The following FXR2 variants were observed in gnomAD, a reference collection of about 807,000 sequenced individuals.
FXR2 encodes FMR1 autosomal homolog 2, also known as RNA-binding protein FXR2.
A neutral mutation model predicts 87.3 loss-of-function variants in FXR2; 9 were observed. The observed-to-expected ratio is 0.10, with a 90% CI of 0.06 to 0.18. The LOEUF (loss-of-function observed/expected upper bound fraction) is 0.18. Among genes scored for constraint, FXR2 ranks in the 10% least tolerant of loss-of-function variants. The pLI is 1.00. For synonymous variants in FXR2, 331 were observed against 328.3 expected, an observed-to-expected ratio of 1.01 and a Z score of -0.09; for missense variants, 661 against 893.6, an observed-to-expected ratio of 0.74 and a Z score of 3.32.
chr17:7,605,826 G>A (rs2270339), intron 2 of FXR2, 88 bp from the exon 3 acceptor site: 63,667 of 790,310 alleles, frequency 0.081, 6,341 homozygotes, highest in African/African-American at 0.3. Context: ...TCAGCTGGGC[G>A]AGTTCCACCT....
At chr17:7,614,354 G>A (rs1040511326) in intron 1 of FXR2, 98 bp downstream of exon 1, 2 of 885,774 alleles carry the variant, frequency 2.3e-6, no homozygotes, top group Admixed American at 2.5e-5. Context: ...CTAAGGGCCA[G>A]GACTCAGCTC....
intron 7 of FXR2, among the ~76,000 whole-genome samples, chr17:7,599,653 G>A (rs1403991793): frequency 6.6e-6 from 1 of 152,030 alleles, no homozygotes; most frequent in Non-Finnish European, 1.5e-5. Flanking sequence ...GAGGTGGGCG[G>A]ATCACCTGAG....
At chr17:7,600,608 G>A (rs1342030511) in intron 7 of FXR2, among the ~76,000 whole-genome samples, 3 of 152,194 alleles carry the variant, frequency 2.0e-5, no homozygotes, top group East Asian at 1.9e-4. Context: ...GACCAAGGCC[G>A]GGCGCAGCGG....
intron 1 of FXR2, chr17:7,614,073 T>C (rs1218509690): frequency 6.2e-6 from 3 of 483,828 alleles, no homozygotes; most frequent in Non-Finnish European, 1.2e-5. Flanking sequence ...CAATTCTCCA[T>C]GTGCTTGGAT....
chr17:7,594,278 C>T lies in FXR2; in HGVS notation c.980G>A (p.Arg327Gln), dbSNP rs749491108. Residue 327 changes from arginine (R) to glutamine (Q), a missense_variant, in exon 10 of 17, where the codon CGA becomes CAA. Around this residue, in one of 3 missense-constraint regions of FXR2, gnomAD observed 82 missense variants for 214.4 expected, o/e 0.38. Transcript: ENST00000250113. The surrounding 1 kb of genome is among the most constrained non-coding windows in gnomAD (Gnocchi z 5.1). Reference protein sequence around the residue: ...IVDKSGVVRVRVEGDNDKKNP... With the variant: ...IVDKSGVVRVQVEGDNDKKNP... ...CTTCTTGTCATTATCACCTTCCACT[C>T]GAACCCTCACCACACCAGATTTATC... is the stretch of plus-strand genomic sequence containing the variant. 13 of 1,612,312 alleles carry T rather than the reference C, an allele frequency of 8.1e-6. 1 individual carries two copies. The highest frequency in any genetic ancestry group is 2.5e-6 in the Non-Finnish European group (3 of 1,178,486).
intron 1 of FXR2, among the ~76,000 whole-genome samples, chr17:7,607,322 A>C (rs944757745): frequency 6.6e-6 from 1 of 151,694 alleles, no homozygotes; most frequent in African/African-American, 2.4e-5. Context: ...CCATCTCAAA[A>C]AAAAAAAAAA....
intron 1 of FXR2, among the ~76,000 whole-genome samples, chr17:7,612,261 G>A (rs1346592200): frequency 6.6e-6 from 1 of 152,174 alleles, no homozygotes; most frequent in Admixed American, 6.6e-5. Context: ...CTCAGAATTT[G>A]GGGGTGGTAA....
chr17:7,606,510 A>G (rs766365560), intron 1 of FXR2, among the ~76,000 whole-genome samples: 2 of 152,182 alleles, frequency 1.3e-5, no homozygotes, highest in African/African-American at 2.4e-5. Context: ...AGAATATCCC[A>G]TGAGACAGTG....
intron 1 of FXR2, among the ~76,000 whole-genome samples, chr17:7,613,787 T>C (rs1004213884): frequency 2.6e-5 from 4 of 152,154 alleles, no homozygotes; most frequent in African/African-American, 9.7e-5. Flanking sequence ...GCAGTGGGTC[T>C]TGAGATCAAG....
At chr17:7,603,250 G>A (rs1335912811) in intron 5 of FXR2, among the ~76,000 whole-genome samples, 3 of 151,936 alleles carry the variant, frequency 2.0e-5, no homozygotes, top group Admixed American at 6.6e-5. Context: ...GGACTGGGCC[G>A]GGTGCGGTGG....
chr17:7,614,674 G>A lies in FXR2; in HGVS notation c.-142C>T, dbSNP rs892993103. 3 of 377,926 alleles carry A rather than the reference G, an allele frequency of 7.9e-6. No individual in the cohort carries two copies. The highest frequency in any genetic ancestry group is 6.4e-5 in the African/African-American group (3 of 46,964). The allele number at this position is 377,926 out of a possible 1,614,324, so 23.4% of individuals were successfully genotyped here. A position where few individuals can be genotyped will look rare whatever the true frequency, so the allele number is the denominator to read the frequency against. The stretch of plus-strand genomic sequence containing the variant: ...GCGGGAGCCGGGCCGGCCCCACGGC[G>A]GCCCTGCCACAGCCAACGAGCAGGG... On this transcript the variant is annotated 5_prime_UTR_variant, in exon 1 of 17. Transcript: ENST00000250113.
Position 7,591,672 on chromosome 17 carries a change from C to T in FXR2, c.*158G>A. On this transcript the variant is annotated 3_prime_UTR_variant, in exon 17 of 17. Transcript: ENST00000250113. This position sits in a 1 kb window ranked among gnomAD's most constrained non-coding sequence, Gnocchi z 4.0. ...GGGGGTATGACCCTGTTACACACCC[C>T]TCCACTAGCTCCTGGAGGTTGGGGG... The T allele has an allele frequency of 3.0e-6, 2 of 673,032 alleles. No homozygotes were observed. Among genetic ancestry groups the T allele is most frequent in the Non-Finnish European group, 5.5e-6 (2 of 366,366 alleles). The allele number at this position is 673,032 out of a possible 1,614,324, so 41.7% of individuals were successfully genotyped here.
chr17:7,613,619 T>C (rs978402254), intron 1 of FXR2, among the ~76,000 whole-genome samples: 1 of 152,184 alleles, frequency 6.6e-6, no homozygotes, highest in Non-Finnish European at 1.5e-5. Context: ...AATCTTAAGA[T>C]AAACAGAAGG....
chr17:7,611,236 T>C (rs2071861833), intron 1 of FXR2, among the ~76,000 whole-genome samples: 1 of 151,844 alleles, frequency 6.6e-6, no homozygotes, highest in Non-Finnish European at 1.5e-5. Context: ...CGGTGAGGTA[T>C]GCCTCCCTCA....
Position 7,591,747 on chromosome 17 carries a change from C to T in FXR2, c.*83G>A. The T allele has an allele frequency of 1.2e-6, 1 of 801,352 alleles. No individual in the cohort carries two copies. The highest frequency in any genetic ancestry group is 2.2e-6 in the Non-Finnish European group (1 of 454,258). The allele number at this position is 801,352 out of a possible 1,614,324, so 49.6% of individuals were successfully genotyped here. ...CCTCCCCCCTAGATAAGAGCAGCTCCAGCGCAGGTCAGTTGGGCCTGTGAG... is the reference window on the plus strand; with the variant it reads ...CCTCCCCCCTAGATAAGAGCAGCTCTAGCGCAGGTCAGTTGGGCCTGTGAG... On this transcript the variant is annotated 3_prime_UTR_variant, in exon 17 of 17. Transcript: ENST00000250113. This position sits in a 1 kb window ranked among gnomAD's most constrained non-coding sequence, Gnocchi z 4.0.
In FXR2 at chr17:7,593,705, C is replaced by T; in HGVS notation, c.1108-80G>A. On this transcript the variant is annotated intron_variant, in intron 11 of 16. Transcript: ENST00000250113. This position sits in a 1 kb window ranked among gnomAD's most constrained non-coding sequence, Gnocchi z 6.1. ...TTCATGCTTCTGCACCCTGACTGTC[C>T]CTCTATATCTAACCTCTCAGGAATG... 1.0e-6 allele frequency: 1 copy of T among 991,844 alleles called. No homozygotes were observed. The highest frequency in any genetic ancestry group is 1.5e-6 in the Non-Finnish European group (1 of 648,986). The allele number at this position is 991,844 out of a possible 1,614,324, so 61.4% of individuals were successfully genotyped here.
rs902622494 is a variant in FXR2, at chr17:7,593,157, G to A, written c.1355C>T (p.Ala452Val). ...AYGPSSDVST[A>V]SETESEKREE... ...TCTCTTCTCTGACTCAGTCTCTGAA[G>A]CTGTAGACACATCTGAGCTGGGGCC... is the stretch of plus-strand genomic sequence containing the variant. Residue 452 changes from alanine (A) to valine (V), a missense_variant, in exon 13 of 17, where the codon GCT becomes GTT. Coordinates refer to ENST00000250113, the MANE Select transcript of FXR2 (RefSeq NM_004860.4). The surrounding 1 kb of genome is among the most constrained non-coding windows in gnomAD (Gnocchi z 6.1). 6 of 1,535,782 alleles carry A rather than the reference G, an allele frequency of 3.9e-6. No individual in the cohort carries two copies. Among genetic ancestry groups the A allele is most frequent in the Admixed American group, 2.2e-5 (1 of 46,450 alleles).
At chr17:7,614,091 A>G (rs1257603176) in intron 1 of FXR2, 1 of 505,232 alleles carries the variant, frequency 2.0e-6, no homozygotes, top group South Asian at 1.5e-5. Flanking sequence ...GATCGTGGGG[A>G]AGATGTGATT....
At chr17:7,606,208 G>GC (rs2071801762) in intron 1 of FXR2, 59 bp from the exon 2 acceptor site, 1 of 1,091,474 alleles carries the variant, frequency 9.2e-7, no homozygotes, top group Non-Finnish European at 1.4e-6. Flanking sequence ...TTCCACCTTA[G>GC]CCATCAAGGG....
Sources: allele counts gnomAD v4.1 joint callset (sites outside exome capture counted in the v4.1 genomes callset), GRCh38; gene constraint gnomAD v4.1.1; regional missense constraint gnomAD v4.1.1; non-coding constraint Gnocchi (gnomAD v3.1); transcripts MANE v1.5; gene names NCBI Gene and HGNC (gene_info 2026-07-23, HGNC 2026-07-21).